The following SARDH variants were observed in gnomAD, a reference collection of about 807,000 sequenced individuals.
The protein encoded by SARDH is sarcosine dehydrogenase, also known as sarcosine dehydrogenase, mitochondrial.
SARDH carries 95 observed loss-of-function variants against 109.1 expected under a neutral mutation model. The ratio of observed to expected loss-of-function variants is 0.87; its 90% CI spans 0.74 to 1.03. SARDH has a LOEUF of 1.03. Ranked by LOEUF, SARDH falls within the 50% of genes least tolerant of loss-of-function variation. SARDH has a pLI of 0.00. For missense variants in SARDH, 1,267 were observed against 1,287.8 expected (o/e 0.98, Z 0.25); for synonymous variants, 572 against 534.8 (o/e 1.07, Z -0.96).
rs1831973984 is a variant in SARDH at position 133,712,770 on chromosome 9, A to G, written c.1238-61T>C. On this transcript the variant is annotated intron_variant, in intron 9 of 20. Coordinates refer to ENST00000439388, the MANE Select transcript of SARDH (RefSeq NM_001134707.2). The surrounding 1 kb of genome is among the most constrained non-coding windows in gnomAD (Gnocchi z 4.1). Reference sequence around the variant, plus strand: ...CCCCAGGGTCCCCCACCCATGTCCAAACATGTGCCCCCATCTCCACGGACA... The same window carrying G: ...CCCCAGGGTCCCCCACCCATGTCCAGACATGTGCCCCCATCTCCACGGACA... 1.3e-6 allele frequency: 2 copies of G among 1,491,350 alleles called. No individual in the cohort carries two copies. Among genetic ancestry groups the G allele is most frequent in the South Asian group, 1.1e-5 (1 of 88,132 alleles). The allele number at this position is 1,491,350 out of a possible 1,614,324, so 92.4% of individuals were successfully genotyped here.
Position 133,702,837 on chromosome 9 carries a change from C to A in SARDH, c.1668+79G>T, listed in dbSNP as rs2131415258. The A allele has an allele frequency of 2.2e-5, 29 of 1,342,092 alleles. No homozygotes were observed. In the Middle Eastern group the frequency reaches 5.8e-4, roughly 27 times the overall value. 83.1% of individuals were successfully genotyped at this position (1,342,092 alleles called of 1,614,324 possible). A position where few individuals can be genotyped will look rare whatever the true frequency, so the allele number is the denominator to read the frequency against. On this transcript the variant is annotated intron_variant, in intron 13 of 20. Coordinates refer to ENST00000439388, the MANE Select transcript of SARDH (RefSeq NM_001134707.2). ...CTGGGGGAGGGGAGCCCCTGCAGGG[C>A]CAGCCGAGGGCCGGCGCAATGGCTT... is the stretch of plus-strand genomic sequence containing the variant.
chr9:133,716,472 G>A (rs1303434650), intron 8 of SARDH, among the ~76,000 whole-genome samples: 1 of 152,212 alleles, frequency 6.6e-6, no homozygotes, highest in Non-Finnish European at 1.5e-5. Context: ...GCTTCCCAGA[G>A]AGTGCACCTT....
Position 133,696,214 on chromosome 9 carries a change from G to A in SARDH, c.1807+9C>T. 2 of 1,613,410 alleles carry A rather than the reference G, an allele frequency of 1.2e-6. No individual in the cohort carries two copies. The highest frequency in any genetic ancestry group is 1.7e-6 in the Non-Finnish European group (2 of 1,179,998). On this transcript the variant is annotated intron_variant, in intron 14 of 20. Coordinates refer to ENST00000439388, the MANE Select transcript of SARDH (RefSeq NM_001134707.2). ...ACAGGAACATGCCCCCCAACCTCAG[G>A]CTCCATACCTGGGGGTCGGCTGACA... is the stretch of plus-strand genomic sequence containing the variant.
chr9:133,727,295 T>A (rs1460844044), intron 6 of SARDH, among the ~76,000 whole-genome samples: 2 of 152,144 alleles, frequency 1.3e-5, no homozygotes, highest in Non-Finnish European at 2.9e-5. Context: ...AGAAGAAAGA[T>A]GAACCACACG....
At chr9:133,674,711 T>C (rs1254748330) in intron 17 of SARDH, among the ~76,000 whole-genome samples, 1 of 152,212 alleles carries the variant, frequency 6.6e-6, no homozygotes, top group Non-Finnish European at 1.5e-5. Context: ...GCTGGTCGCG[T>C]ACCTTACATC....
intron 11 of SARDH, among the ~76,000 whole-genome samples, chr9:133,705,647 C>A (rs1000749071): frequency 6.6e-6 from 1 of 151,746 alleles, no homozygotes; most frequent in African/African-American, 2.4e-5. Context: ...TCTGCCCTGG[C>A]CCCGATAACC....
chr9:133,698,789 A>G (rs1831377369), intron 13 of SARDH, among the ~76,000 whole-genome samples: 1 of 152,208 alleles, frequency 6.6e-6, no homozygotes, highest in African/African-American at 2.4e-5. Flanking sequence ...TGGATCCTAG[A>G]CCTAAGTGTA....
intron 19 of SARDH, among the ~76,000 whole-genome samples, chr9:133,670,076 C>A (rs1370601833): frequency 1.3e-5 from 2 of 152,190 alleles, no homozygotes; most frequent in Non-Finnish European, 1.5e-5. Flanking sequence ...CGCTTGTAAT[C>A]CCAGCACTTT....
At chr9:133,668,421 TCCCTTC>T (rs1161665265) in intron 19 of SARDH, among the ~76,000 whole-genome samples, 19 of 19,832 alleles carry the variant, frequency 9.6e-4, no homozygotes, top group African/African-American at 2.5e-3. Flanking sequence ...CCTCTCCCTC[TCCCTTC>T]ACCCTCCCTC....
At chr9:133,699,782 A>T (rs1234149174) in intron 13 of SARDH, among the ~76,000 whole-genome samples, 1 of 152,226 alleles carries the variant, frequency 6.6e-6, no homozygotes, top group Non-Finnish European at 1.5e-5. Flanking sequence ...GGGGAATGTA[A>T]TGTGGTACAG....
chr9:133,664,080 T>C, intron 20 of SARDH, 66 bp from the exon 21 acceptor site: 3 of 1,572,498 alleles, frequency 1.9e-6, no homozygotes, highest in Non-Finnish European at 2.6e-6. Context: ...GTCTGCCTGC[T>C]TCTCTGGAGG....
At position 133,666,697 on chromosome 9, in the gene SARDH, C is replaced by T. The variant is rs201144043; in HGVS notation, c.2631+38G>A. On this transcript the variant is annotated intron_variant, in intron 20 of 20. Coordinates refer to ENST00000439388, the MANE Select transcript of SARDH (RefSeq NM_001134707.2). The surrounding 1 kb of genome is among the most constrained non-coding windows in gnomAD (Gnocchi z 5.2). ...AGCTGGTTTGGAGCTGGTGAGGGATCGGCATCTGCCTTAGCAGGGCCAGAG... is the reference window on the plus strand; with the variant it reads ...AGCTGGTTTGGAGCTGGTGAGGGATTGGCATCTGCCTTAGCAGGGCCAGAG... 2.2e-4 allele frequency: 342 copies of T among 1,561,842 alleles called. No homozygotes were observed. The African/African-American group carries it at 2.9e-3, about 13-fold the overall frequency.
chr9:133,702,840 G>A lies in SARDH; in HGVS notation c.1668+76C>T. 6 of 1,395,060 alleles carry A rather than the reference G, an allele frequency of 4.3e-6. No homozygotes were observed. In the South Asian group the frequency reaches 5.9e-5, roughly 14 times the overall value. The allele number at this position is 1,395,060 out of a possible 1,614,324, so 86.4% of individuals were successfully genotyped here. Reference sequence around the variant, plus strand: ...GGGGAGGGGAGCCCCTGCAGGGCCAGCCGAGGGCCGGCGCAATGGCTTATC... The same window carrying A: ...GGGGAGGGGAGCCCCTGCAGGGCCAACCGAGGGCCGGCGCAATGGCTTATC... On this transcript the variant is annotated intron_variant, in intron 13 of 20. Coordinates refer to ENST00000439388, the MANE Select transcript of SARDH (RefSeq NM_001134707.2).
chr9:133,701,770 C>T (rs562313398), intron 13 of SARDH, among the ~76,000 whole-genome samples: 1 of 152,202 alleles, frequency 6.6e-6, no homozygotes, highest in Non-Finnish European at 1.5e-5. Context: ...CCCCCTCTTC[C>T]GACGCCTTGA....
In SARDH at chr9:133,671,675, A is replaced by G. The variant is rs765530590; in HGVS notation, c.2186T>C (p.Phe729Ser). 6.3e-7 allele frequency: 1 copy of G among 1,583,016 alleles called. No homozygotes were observed. The highest frequency in any genetic ancestry group is 1.2e-5 in the South Asian group (1 of 86,928). ...GHLVRAMRLS[F>S]VGELGWELHI... ...CAGCTCCCAGCCCAGCTCCCCCACAAAGGACAGCCGCATGGCTCGGACCTG... is the reference window on the plus strand; with the variant it reads ...CAGCTCCCAGCCCAGCTCCCCCACAGAGGACAGCCGCATGGCTCGGACCTG... The change falls in exon 18 of 21, where the codon TTT becomes TCT. Residue 729 changes from phenylalanine (F) to serine (S), a missense_variant. Coordinates refer to ENST00000439388, the MANE Select transcript of SARDH (RefSeq NM_001134707.2).
chr9:133,668,296 T>A (rs1292588804), intron 19 of SARDH, among the ~76,000 whole-genome samples: 3 of 99,952 alleles, frequency 3.0e-5, no homozygotes, highest in African/African-American at 1.2e-4. Flanking sequence ...TCCCTCTCCC[T>A]CCCTCTCCCT....
chr9:133,717,587 C>A, intron 7 of SARDH, 132 bp from the exon 8 acceptor site: 1 of 1,313,796 alleles, frequency 7.6e-7, no homozygotes, highest in Non-Finnish European at 1.0e-6. Flanking sequence ...TGGTGGTCAC[C>A]CACACGTCCC....
chr9:133,670,395 C>A (rs532720864), intron 19 of SARDH, among the ~76,000 whole-genome samples, 189 bp downstream of exon 19: 2 of 151,996 alleles, frequency 1.3e-5, no homozygotes, highest in East Asian at 3.9e-4. Context: ...TGTGACCTGG[C>A]CAGATGGCCT....
Position 133,692,158 on chromosome 9 carries a change from T to A in SARDH, c.1922-1631A>T, listed in dbSNP as rs1831121673. On this transcript the variant is annotated intron_variant, in intron 15 of 20. Transcript: ENST00000439388. This position sits in a 1 kb window ranked among gnomAD's most constrained non-coding sequence, Gnocchi z 5.0. ...CCCCAGACTCTGACTCAATTCTCCA[T>A]CGCAGCCCCGGGAGGCGCGTCTTCC... Among the ~76,000 whole-genome samples the A allele has an allele frequency of 6.6e-6, 1 of 152,018 alleles. No homozygotes were observed. Among genetic ancestry groups the A allele is most frequent in the African/African-American group, 2.4e-5 (1 of 41,382 alleles).
Sources: allele counts gnomAD v4.1 joint callset (sites outside exome capture counted in the v4.1 genomes callset), GRCh38; gene constraint gnomAD v4.1.1; non-coding constraint Gnocchi (gnomAD v3.1); transcripts MANE v1.5; gene names NCBI Gene and HGNC (gene_info 2026-07-23, HGNC 2026-07-21).